The following TRIM2 variants were observed in gnomAD, a reference collection of about 807,000 sequenced individuals.
TRIM2 encodes tripartite motif-containing protein 2.
TRIM2 carries 20 observed loss-of-function variants against 75.2 expected under a neutral mutation model. That is an observed-to-expected ratio of 0.27 (90% confidence interval 0.19 to 0.39). The LOEUF is 0.39. Among genes scored for constraint, TRIM2 ranks in the 10% least tolerant of loss-of-function variants. The pLI is 1.00. For synonymous variants in TRIM2, 373 were observed against 388.3 expected, an observed-to-expected ratio of 0.96 and a Z score of 0.46; for missense variants, 660 against 990.8, an observed-to-expected ratio of 0.67 and a Z score of 4.48.
rs1001795484 is a variant in TRIM2, at chr4:153,335,831, G to A, written c.*865G>A. On this transcript the variant is annotated 3_prime_UTR_variant, in exon 12 of 12. Coordinates refer to ENST00000338700, the MANE Select transcript of TRIM2 (RefSeq NM_015271.5). ...GTTTTCACACGTGTCTCTTCTCTTC[G>A]ACTTCCTGAAAGCGAAAGCTTTACC... is the stretch of plus-strand genomic sequence containing the variant. The A allele has an allele frequency of 2.0e-6, 2 of 985,644 alleles. No individual in the cohort carries two copies. The highest frequency in any genetic ancestry group is 2.4e-6 in the Non-Finnish European group (2 of 829,910). The allele number at this position is 985,644 out of a possible 1,614,324, so 61.1% of individuals were successfully genotyped here.
intron 8 of TRIM2, among the ~76,000 whole-genome samples, chr4:153,319,715 A>T (rs1337222604): frequency 2.6e-5 from 4 of 151,882 alleles, no homozygotes; most frequent in Non-Finnish European, 4.4e-5. Context: ...GGGCAACAAG[A>T]GCAAAACTCT....
chr4:153,209,772 A>C (rs549186604), intron 1 of TRIM2, among the ~76,000 whole-genome samples: 1 of 152,272 alleles, frequency 6.6e-6, no homozygotes, highest in South Asian at 2.1e-4. Flanking sequence ...AATCTGTAGT[A>C]CCCTCAAAGC....
chr4:153,180,256 G>A (rs931802014), intron 1 of TRIM2, among the ~76,000 whole-genome samples: 6 of 152,152 alleles, frequency 3.9e-5, no homozygotes, highest in African/African-American at 1.4e-4. Flanking sequence ...AGTAATGTCA[G>A]GCTCTCTTTT....
chr4:153,282,792 AT>A (rs375987344), intron 3 of TRIM2, among the ~76,000 whole-genome samples: 3,118 of 146,950 alleles, frequency 0.021, 63 homozygotes, highest in African/African-American at 0.054. Flanking sequence ...TTTATTTTTA[AT>A]TTTTTTTTTG....
chr4:153,301,174 G>C (rs1003770238), intron 6 of TRIM2, among the ~76,000 whole-genome samples: 1 of 150,800 alleles, frequency 6.6e-6, no homozygotes, highest in African/African-American at 2.5e-5. Flanking sequence ...CTGAGTGACA[G>C]AGCGAGACTC....
At chr4:153,290,472 A>G (rs1168503946) in intron 3 of TRIM2, among the ~76,000 whole-genome samples, 1 of 152,212 alleles carries the variant, frequency 6.6e-6, no homozygotes, top group Non-Finnish European at 1.5e-5. Context: ...CCCCTCAGCG[A>G]ATAATTATTG....
chr4:153,285,890 C>T (rs1579342918), intron 3 of TRIM2, among the ~76,000 whole-genome samples: 1 of 151,760 alleles, frequency 6.6e-6, no homozygotes, highest in South Asian at 2.1e-4. Context: ...GCCTAAATGC[C>T]CTGGTCAGCA....
At chr4:153,185,289 T>C (rs1732483372) in intron 1 of TRIM2, among the ~76,000 whole-genome samples, 1 of 152,208 alleles carries the variant, frequency 6.6e-6, no homozygotes, top group Admixed American at 6.5e-5. Flanking sequence ...CCAATAAGTG[T>C]TAGCTTCTTA....
intron 10 of TRIM2, among the ~76,000 whole-genome samples, chr4:153,325,690 A>C (rs1003052838): frequency 6.6e-6 from 1 of 152,220 alleles, no homozygotes; most frequent in African/African-American, 2.4e-5. Context: ...TGAGATCCTA[A>C]TAGTACAAAG....
intron 1 of TRIM2, among the ~76,000 whole-genome samples, chr4:153,218,687 T>A (rs1211077949): frequency 2.0e-5 from 3 of 152,222 alleles, no homozygotes; most frequent in African/African-American, 7.2e-5. Context: ...CTCATTTTTC[T>A]GTGACCCTTC....
In TRIM2 at chr4:153,295,770, C is replaced by T. The variant is rs2150145081; in HGVS notation, c.1244C>T (p.Thr415Ile). ...GAGATCCTGGACAACAAGAACGGCACCTATGAGTTTTTGTACACTGTCCAG... is the reference window on the plus strand; with the variant it reads ...GAGATCCTGGACAACAAGAACGGCATCTATGAGTTTTTGTACACTGTCCAG... ...DGEILDNKNG[T>I]YEFLYTVQKE... is the part of the protein sequence containing the mutation. The change falls in exon 6 of 12, where the codon ACC becomes ATC. Residue 415 changes from threonine (T) to isoleucine (I), a missense_variant. Physicochemically the swap from Thr to Ile is moderately conservative, Grantham distance 89. This residue lies in a region of TRIM2 where 620 missense variants were observed against 891.0 expected (regional missense o/e 0.70). Transcript: ENST00000338700. The surrounding 1 kb of genome is among the most constrained non-coding windows in gnomAD (Gnocchi z 7.2). 1 of 1,614,032 alleles carries T rather than the reference C, an allele frequency of 6.2e-7. No homozygotes were observed. Among genetic ancestry groups the T allele is most frequent in the Non-Finnish European group, 8.5e-7 (1 of 1,180,004 alleles).
chr4:153,304,949 C>T (rs1256744282), intron 6 of TRIM2, among the ~76,000 whole-genome samples: 2 of 152,176 alleles, frequency 1.3e-5, no homozygotes, highest in Non-Finnish European at 2.9e-5. Flanking sequence ...GGAAATGTTT[C>T]CCAAGGGAGC....
intron 1 of TRIM2, among the ~76,000 whole-genome samples, chr4:153,263,596 G>A (rs574834952): frequency 6.6e-6 from 1 of 152,294 alleles, no homozygotes; most frequent in East Asian, 1.9e-4. Flanking sequence ...GCCCTTGTAG[G>A]CCTTACATTC....
intron 1 of TRIM2, among the ~76,000 whole-genome samples, chr4:153,161,758 T>C (rs1467428485): frequency 6.6e-6 from 1 of 152,226 alleles, no homozygotes; most frequent in Non-Finnish European, 1.5e-5. Flanking sequence ...TGGGCAGTAT[T>C]CCAAGGTGGT....
At chr4:153,311,726 AT>A (rs34229298) in intron 6 of TRIM2, among the ~76,000 whole-genome samples, 3,453 of 138,380 alleles carry the variant, frequency 0.025, 46 homozygotes, top group East Asian at 0.079. Flanking sequence ...GTGTTTATCA[AT>A]TTTTTTTTTT....
chr4:153,258,095 A>G (rs984684292), intron 1 of TRIM2, among the ~76,000 whole-genome samples: 5 of 152,104 alleles, frequency 3.3e-5, no homozygotes, highest in African/African-American at 1.2e-4. Flanking sequence ...CATGGAGATG[A>G]AATATTTGAT....
chr4:153,247,448 G>A (rs1199611882), intron 1 of TRIM2, among the ~76,000 whole-genome samples: 2 of 152,180 alleles, frequency 1.3e-5, no homozygotes, highest in Non-Finnish European at 2.9e-5. Context: ...GGCCGAGGCA[G>A]GCAGATCATT....
rs974259916 is a variant in TRIM2, at chr4:153,248,740, C to T, written c.31-21595C>T. On this transcript the variant is annotated intron_variant, in intron 1 of 11. Transcript: ENST00000338700. The surrounding 1 kb of genome is among the most constrained non-coding windows in gnomAD (Gnocchi z 4.0). Reference sequence around the variant, plus strand: ...ATGAAAGTGACCCTGAGTTGTAGTGCCAGGCAGGTTGCTTAGGAAAATACT... The same window carrying T: ...ATGAAAGTGACCCTGAGTTGTAGTGTCAGGCAGGTTGCTTAGGAAAATACT... 1.6e-4 allele frequency among the ~76,000 whole-genome samples: 24 copies of T among 152,202 alleles called. No individual in the cohort carries two copies. Among genetic ancestry groups the T allele is most frequent in the Admixed American group, 1.3e-4 (2 of 15,286 alleles).
intron 1 of TRIM2, among the ~76,000 whole-genome samples, chr4:153,260,688 C>A (rs1579079003): frequency 2.8e-5 from 1 of 36,152 alleles, no homozygotes; most frequent in Non-Finnish European, 5.4e-5. Flanking sequence ...ACCCACACAC[C>A]CACCCCCCCC....
Sources: gnomAD v4.1 joint callset for allele counts (sites outside exome capture counted in the v4.1 genomes callset) on GRCh38, gnomAD v4.1.1 for gene constraint, gnomAD v4.1.1 regional missense constraint, Gnocchi (gnomAD v3.1) non-coding constraint, MANE v1.5 for transcripts, NCBI Gene and HGNC (gene_info 2026-07-23, HGNC 2026-07-21) for gene names.